The following ENTREP2 variants were observed in gnomAD, a reference collection of about 807,000 sequenced individuals.
ENTREP2 encodes protein ENTREP2.
the ENTREP2 span, among the ~76,000 whole-genome samples, chr15:29,445,408 CACCACCACCCCT>C: frequency 6.6e-6 from 1 of 152,182 alleles, no homozygotes; most frequent in Non-Finnish European, 1.5e-5. Context: ...CCCACAATCC[CACCACCACCCCT>C]CACCTTAGGG....
chr15:29,385,103 C>T, the ENTREP2 span, among the ~76,000 whole-genome samples: 2 of 152,164 alleles, frequency 1.3e-5, 1 homozygote, highest in South Asian at 4.1e-4. Flanking sequence ...GTCCTGCAGG[C>T]ATCTTTAATA....
At chr15:29,350,661 G>A in the ENTREP2 span, among the ~76,000 whole-genome samples, 1 of 152,194 alleles carries the variant, frequency 6.6e-6, no homozygotes, top group South Asian at 2.1e-4. Flanking sequence ...TCATAAGAGA[G>A]GGTGGGTATG....
chr15:29,316,903 T>C, the ENTREP2 span, among the ~76,000 whole-genome samples: 3 of 152,172 alleles, frequency 2.0e-5, no homozygotes, highest in Non-Finnish European at 2.9e-5. Context: ...TCACTTAAAA[T>C]CACTGGGGGA....
the ENTREP2 span, among the ~76,000 whole-genome samples, chr15:29,525,967 T>A: frequency 6.6e-6 from 1 of 152,172 alleles, no homozygotes; most frequent in African/African-American, 2.4e-5. Flanking sequence ...TTCTTCAACT[T>A]CAAAAAGCAC....
chr15:29,577,349 T>TGTGTGTGTGTGTGTGAGA, the ENTREP2 span, among the ~76,000 whole-genome samples: 42 of 144,448 alleles, frequency 2.9e-4, no homozygotes, highest in African/African-American at 9.5e-4. Flanking sequence ...TGTGTGTGTG[T>TGTGTGTGTGTGTGTGAGA]GAGAGAGAGA....
the ENTREP2 span, among the ~76,000 whole-genome samples, chr15:29,181,659 A>G: frequency 6.6e-6 from 1 of 152,152 alleles, no homozygotes; most frequent in African/African-American, 2.4e-5. Context: ...TCACTATATT[A>G]ACAGAATACA....
At chr15:29,430,218 T>G in the ENTREP2 span, among the ~76,000 whole-genome samples, 1 of 152,130 alleles carries the variant, frequency 6.6e-6, no homozygotes, top group South Asian at 2.1e-4. Context: ...CTGGCTCCAC[T>G]CATCCTGCCA....
At chr15:29,523,614 G>A in the ENTREP2 span, among the ~76,000 whole-genome samples, 1 of 103,952 alleles carries the variant, frequency 9.6e-6, no homozygotes, top group African/African-American at 3.8e-5. Flanking sequence ...AGTTGATCCT[G>A]TAATTCATAC....
the ENTREP2 span, among the ~76,000 whole-genome samples, chr15:29,478,914 G>A: frequency 1.3e-5 from 2 of 148,894 alleles, no homozygotes; most frequent in East Asian, 4.0e-4. Context: ...TGTGTGGCAG[G>A]CCAGGCGTGG....
At chr15:29,600,471 A>ATCAT in the ENTREP2 span, among the ~76,000 whole-genome samples, 2 of 109,780 alleles carry the variant, frequency 1.8e-5, no homozygotes, top group Non-Finnish European at 2.2e-5. Flanking sequence ...CATCATCATC[A>ATCAT]ATCATCATCA....
At chr15:29,325,557 T>C in the ENTREP2 span, among the ~76,000 whole-genome samples, 3 of 152,250 alleles carry the variant, frequency 2.0e-5, no homozygotes, top group African/African-American at 7.2e-5. Flanking sequence ...CAAGGAGAAC[T>C]AGATCGTCTG....
chr15:29,526,452 C>T, the ENTREP2 span, among the ~76,000 whole-genome samples: 1 of 150,784 alleles, frequency 6.6e-6, no homozygotes, highest in African/African-American at 2.4e-5. Flanking sequence ...TTCTTAATCT[C>T]CCCCTGTACA....
At chr15:29,570,765 C>G in the ENTREP2 span, 16 of 762,924 alleles carry the variant, frequency 2.1e-5, no homozygotes, top group African/African-American at 1.2e-4. Flanking sequence ...CCGCCCGGCC[C>G]GGCGCGCGCC....
the ENTREP2 span, among the ~76,000 whole-genome samples, chr15:29,242,684 G>A: frequency 6.6e-6 from 1 of 152,234 alleles, no homozygotes; most frequent in Non-Finnish European, 1.5e-5. Flanking sequence ...GGGACAAGGC[G>A]CAGCACAGAC....
chr15:29,549,265 T>G, the ENTREP2 span, among the ~76,000 whole-genome samples: 3 of 140,186 alleles, frequency 2.1e-5, no homozygotes, highest in Non-Finnish European at 3.0e-5. Context: ...CAAAACTAGA[T>G]TTGTTATACA....
the ENTREP2 span, among the ~76,000 whole-genome samples, chr15:29,465,414 C>T: frequency 1.3e-5 from 2 of 152,180 alleles, no homozygotes; most frequent in African/African-American, 4.8e-5. Context: ...CGTGACACTG[C>T]AAGCTCCCCA....
chr15:29,387,591 A>G, the ENTREP2 span, among the ~76,000 whole-genome samples: 9 of 152,198 alleles, frequency 5.9e-5, no homozygotes, highest in Admixed American at 1.3e-4. Context: ...GCTACCAATG[A>G]CTTTCTTCAC....
At chr15:29,669,049 T>C in the ENTREP2 span, among the ~76,000 whole-genome samples, 2 of 152,066 alleles carry the variant, frequency 1.3e-5, no homozygotes, top group Non-Finnish European at 2.9e-5. Flanking sequence ...GGGCTAAAAA[T>C]ACAAAAATTA....
the ENTREP2 span, among the ~76,000 whole-genome samples, chr15:29,418,741 C>G: frequency 4.1e-4 from 62 of 152,252 alleles, 2 homozygotes; most frequent in South Asian, 0.013. Context: ...AATGAACCTC[C>G]CTCCAAGAAG....
Sources: allele counts gnomAD v4.1 joint callset (sites outside exome capture counted in the v4.1 genomes callset), GRCh38; gene constraint gnomAD v4.1.1; transcripts MANE v1.5; gene names NCBI Gene and HGNC (gene_info 2026-07-23, HGNC 2026-07-21).